Variants in SHOC1 observed in about 807,000 individuals in gnomAD.
SHOC1 encodes the protein shortage in chiasmata 1.
A neutral mutation model predicts 179.2 loss-of-function variants in SHOC1; 136 were observed. That is an observed-to-expected ratio of 0.76 (90% CI 0.66 to 0.87). The LOEUF (loss-of-function observed/expected upper bound fraction) is 0.87. SHOC1 is among the 40% of genes least tolerant of loss of function. The pLI is 0.00. For missense variants in SHOC1, 1,538 were observed against 1,700.8 expected, an observed-to-expected ratio of 0.90 and a Z score of 1.68; for synonymous variants, 489 against 586.6, an observed-to-expected ratio of 0.83 and a Z score of 2.41.
chr9:111,734,043 C>T (rs1404689863), intron 12 of SHOC1, among the ~76,000 whole-genome samples: 2 of 152,080 alleles, frequency 1.3e-5, no homozygotes, highest in Non-Finnish European at 1.5e-5. Context: ...TCTCTTTAAG[C>T]ACCCCTACCC....
At chr9:111,703,740 G>A (rs1034698827) in intron 22 of SHOC1, 141 bp downstream of exon 22, 1 of 465,546 alleles carries the variant, frequency 2.1e-6, no homozygotes, top group East Asian at 3.3e-5. Context: ...CCACAGTGAC[G>A]ATTTTAGCAC....
intron 10 of SHOC1, among the ~76,000 whole-genome samples, chr9:111,745,696 C>T (rs1169945919): frequency 6.6e-6 from 1 of 152,184 alleles, no homozygotes; most frequent in African/African-American, 2.4e-5. Flanking sequence ...ACCTCCAGAA[C>T]TGTGAAGGAA....
chr9:111,710,042 TG>T (rs1832472851), intron 18 of SHOC1, among the ~76,000 whole-genome samples: 1 of 152,216 alleles, frequency 6.6e-6, no homozygotes, highest in African/African-American at 2.4e-5. Context: ...AATATTCCTT[TG>T]GTTATCCAAG....
intron 27 of SHOC1, among the ~76,000 whole-genome samples, chr9:111,687,654 C>CT (rs1831237283): frequency 6.6e-6 from 1 of 152,180 alleles, no homozygotes; most frequent in South Asian, 2.1e-4. Flanking sequence ...TTTTGACAGA[C>CT]TTTGAACCTA....
Position 111,746,343 on chromosome 9 carries a change from C to T in SHOC1, c.971-1G>A. The stretch of plus-strand genomic sequence containing the variant: ...GGAGTTAGTGGCATTTCTAACTCTC[C>T]TGGAATATATGAAAATTAAAGTTAT... On this transcript the variant is annotated splice_acceptor_variant, in intron 9 of 27. Coordinates refer to ENST00000682961, the MANE Select transcript of SHOC1 (RefSeq NM_001378211.1). LOFTEE classifies it high-confidence loss of function. 1 of 1,576,310 alleles carries T rather than the reference C, an allele frequency of 6.3e-7. No individual in the cohort carries two copies. Among genetic ancestry groups the T allele is most frequent in the Non-Finnish European group, 8.7e-7 (1 of 1,146,562 alleles).
intron 6 of SHOC1, 98 bp downstream of exon 6, chr9:111,758,597 C>CAA: frequency 2.5e-6 from 3 of 1,196,654 alleles, no homozygotes; most frequent in Admixed American, 2.7e-5. Context: ...CAAAACAAAA[C>CAA]AAAAAAAAAC....
In SHOC1 at chr9:111,714,477, G is replaced by A; in HGVS notation, c.2383C>T (p.Leu795=). ...YKIQELQCQI[L]SWMQSQQQIK... ...TGCTGTTGACTTTGCATCCAACTTA[G>A]TATCTGACATTGCAATTCTTGTATC... Residue 795 remains leucine, a synonymous_variant, in exon 17 of 28, where the codon CTA becomes TTA. Transcript: ENST00000682961. 6.2e-7 allele frequency: 1 copy of A among 1,613,834 alleles called. No homozygotes were observed. Among genetic ancestry groups the A allele is most frequent in the South Asian group, 1.1e-5 (1 of 91,062 alleles).
chr9:111,786,090 T>C (rs1324187350), intron 2 of SHOC1, 55 bp from the exon 3 acceptor site: 16 of 1,170,394 alleles, frequency 1.4e-5, no homozygotes, highest in Non-Finnish European at 1.7e-5. Context: ...TTATCAATAT[T>C]CAGAATATAT....
At chr9:111,703,090 A>G (rs866343327) in intron 22 of SHOC1, among the ~76,000 whole-genome samples, 125 of 152,294 alleles carry the variant, frequency 8.2e-4, no homozygotes, top group African/African-American at 2.7e-3. Flanking sequence ...GGGCTGGGCA[A>G]TGGTGTGAGA....
chr9:111,717,257 G>A (rs1385966956), intron 16 of SHOC1, among the ~76,000 whole-genome samples: 1 of 152,076 alleles, frequency 6.6e-6, no homozygotes, highest in Non-Finnish European at 1.5e-5. Context: ...TAGGTTCTAG[G>A]AACTCTAAAT....
chr9:111,774,257 A>G (rs1835740677), intron 5 of SHOC1, among the ~76,000 whole-genome samples: 1 of 152,150 alleles, frequency 6.6e-6, no homozygotes, highest in Non-Finnish European at 1.5e-5. Context: ...GAAATAAATT[A>G]TAGAACAAAA....
intron 12 of SHOC1, among the ~76,000 whole-genome samples, chr9:111,734,358 T>A (rs1303716885): frequency 1.3e-5 from 2 of 152,210 alleles, no homozygotes; most frequent in Non-Finnish European, 2.9e-5. Flanking sequence ...TATATGGATA[T>A]TTCAAGACCT....
intron 19 of SHOC1, among the ~76,000 whole-genome samples, 172 bp downstream of exon 19, chr9:111,707,683 G>A (rs953395621): frequency 6.6e-6 from 1 of 152,010 alleles, no homozygotes; most frequent in Non-Finnish European, 1.5e-5. Context: ...ATAATACACA[G>A]GACAATGATC....
chr9:111,691,776 G>A lies in SHOC1; in HGVS notation c.4201C>T (p.Leu1401=). 1 of 1,613,970 alleles carries A rather than the reference G, an allele frequency of 6.2e-7. No homozygotes were observed. The highest frequency in any genetic ancestry group is 8.5e-7 in the Non-Finnish European group (1 of 1,179,968). The change falls in exon 27 of 28, where the codon CTA becomes TTA. Residue 1401 remains leucine (L), a synonymous_variant. Coordinates refer to ENST00000682961, the MANE Select transcript of SHOC1 (RefSeq NM_001378211.1). ...GNLFTDQQKC[L]SDESEGLTCE... is the part of the protein sequence containing the mutation. ...GTGAGGCCTTCAGACTCATCTGATA[G>A]ACATTTTTGCTGATCAGTGAATAAA...
intron 24 of SHOC1, among the ~76,000 whole-genome samples, chr9:111,699,581 G>C (rs1367115650): frequency 1.3e-5 from 2 of 152,260 alleles, no homozygotes; most frequent in Admixed American, 1.3e-4. Context: ...GGAAGAGACT[G>C]ATTAGAGATC....
At chr9:111,747,703 C>T (rs1039421436) in intron 9 of SHOC1, among the ~76,000 whole-genome samples, 1 of 152,120 alleles carries the variant, frequency 6.6e-6, no homozygotes, top group Non-Finnish European at 1.5e-5. Context: ...GCCTCAGCCT[C>T]CTGAGTGTCT....
chr9:111,709,232 C>T (rs1462721618), intron 18 of SHOC1, among the ~76,000 whole-genome samples: 1 of 152,298 alleles, frequency 6.6e-6, no homozygotes, highest in East Asian at 1.9e-4. Context: ...ATTCCAGCTA[C>T]CCGGGAGGGT....
chr9:111,752,669 T>A (rs1834648324), intron 8 of SHOC1, among the ~76,000 whole-genome samples: 1 of 152,156 alleles, frequency 6.6e-6, no homozygotes, highest in Non-Finnish European at 1.5e-5. Flanking sequence ...AGTAATAACA[T>A]AACATAGTAA....
At position 111,756,320 on chromosome 9, in the gene SHOC1, C is replaced by T. The variant is rs1438357637; in HGVS notation, c.862+5G>A. The T allele has an allele frequency of 6.3e-7, 1 of 1,586,090 alleles. No individual in the cohort carries two copies. The highest frequency in any genetic ancestry group is 1.4e-5 in the African/African-American group (1 of 73,306). On this transcript the variant is annotated splice_donor_5th_base_variant and intron_variant, in intron 8 of 27. Transcript: ENST00000682961. ...CAAGTAATACATTTTACAATTAATT[C>T]TCACCTCTTTCAAAAAGCTTTTCCT...
Sources: gnomAD v4.1 joint callset for allele counts (sites outside exome capture counted in the v4.1 genomes callset) on GRCh38, gnomAD v4.1.1 for gene constraint, MANE v1.5 for transcripts, NCBI Gene and HGNC (gene_info 2026-07-23, HGNC 2026-07-21) for gene names.